IL1R1: variants seen among roughly 807,000 people sequenced by gnomAD.
The protein encoded by IL1R1 is interleukin 1 receptor type 1, also known as interleukin-1 receptor type 1.
Under a neutral mutation model 50.2 loss-of-function variants are expected in IL1R1, and 22 were observed. That is an observed-to-expected ratio of 0.44 (90% CI 0.31 to 0.63). IL1R1 has a LOEUF of 0.63. Ranked by LOEUF, IL1R1 falls within the 20% of genes least tolerant of loss-of-function variation. The pLI, the probability that IL1R1 is intolerant of heterozygous loss-of-function variation, is 0.07. For synonymous variants in IL1R1, 251 were observed against 236.7 expected (o/e 1.06, Z -0.55); for missense variants, 509 against 676.2 (o/e 0.75, Z 2.74).
At chr2:102,108,945 GAATAATAATAAT>G (rs147984449) in intron 1 of IL1R1, among the ~76,000 whole-genome samples, 3,044 of 145,392 alleles carry the variant, frequency 0.021, 48 homozygotes, top group East Asian at 0.051. Flanking sequence ...ACTTGGTACT[GAATAATAATAAT>G]AATAATAATA....
chr2:102,122,015 G>C (rs941245913), intron 1 of IL1R1, among the ~76,000 whole-genome samples: 3 of 152,116 alleles, frequency 2.0e-5, no homozygotes, highest in Non-Finnish European at 4.4e-5. Context: ...GAAGATATAC[G>C]TTTGTTTCAT....
At chr2:102,134,382 C>CTTT (rs11372238) in intron 1 of IL1R1, among the ~76,000 whole-genome samples, 1 of 145,730 alleles carries the variant, frequency 6.9e-6, no homozygotes, top group Non-Finnish European at 1.5e-5. Context: ...TCTTTTCTTT[C>CTTT]TTTTTTTTTT....
At chr2:102,132,540 A>G (rs1485487160) in intron 1 of IL1R1, among the ~76,000 whole-genome samples, 1 of 152,194 alleles carries the variant, frequency 6.6e-6, no homozygotes, top group Non-Finnish European at 1.5e-5. Flanking sequence ...AGAAAAAGGA[A>G]TAAATTACAC....
At chr2:102,151,536 G>C (rs962372705) in intron 1 of IL1R1, among the ~76,000 whole-genome samples, 3 of 152,310 alleles carry the variant, frequency 2.0e-5, no homozygotes, top group Admixed American at 6.5e-5. Context: ...CTCCTCATGG[G>C]TGTGGGAGAG....
At chr2:102,082,095 T>G (rs963945124) in intron 1 of IL1R1, among the ~76,000 whole-genome samples, 5 of 152,206 alleles carry the variant, frequency 3.3e-5, no homozygotes, top group Non-Finnish European at 7.3e-5. Flanking sequence ...ACTTCCAGGT[T>G]TTCTTCATTT....
At chr2:102,120,180 T>G (rs1251332224) in intron 1 of IL1R1, among the ~76,000 whole-genome samples, 1 of 152,166 alleles carries the variant, frequency 6.6e-6, no homozygotes, top group Non-Finnish European at 1.5e-5. Flanking sequence ...ATGAAACCTT[T>G]GATGTGCATG....
intron 1 of IL1R1, among the ~76,000 whole-genome samples, chr2:102,137,058 C>T (rs919995085): frequency 1.9e-4 from 29 of 152,298 alleles, no homozygotes; most frequent in Admixed American, 7.2e-4. Flanking sequence ...TTGACCATCT[C>T]ATAGCTCTCA....
At chr2:102,126,187 T>C (rs767530441) in intron 1 of IL1R1, among the ~76,000 whole-genome samples, 2 of 152,210 alleles carry the variant, frequency 1.3e-5, no homozygotes, top group Non-Finnish European at 2.9e-5. Flanking sequence ...AAAGAAGATA[T>C]AAAAGGTAGT....
intron 1 of IL1R1, among the ~76,000 whole-genome samples, chr2:102,115,407 C>T (rs1681013700): frequency 6.6e-6 from 1 of 152,166 alleles, no homozygotes; most frequent in African/African-American, 2.4e-5. Context: ...TTTTAAGGCA[C>T]TGTGGATATA....
rs149191871 is a variant in IL1R1 at position 102,105,450 on chromosome 2, C to T, written c.-84+578C>T. Among the ~76,000 whole-genome samples, 455 of 152,250 alleles carry T rather than the reference C, an allele frequency of 3.0e-3. 2 individuals carry two copies. The highest frequency in any genetic ancestry group is 0.01 in the African/African-American group (436 of 41,554). On this transcript the variant is annotated intron_variant, in intron 1 of 10. Transcript: ENST00000409329. ...CATGATCTTGGCTCACTGCAACCTC[C>T]GCCTCCCAGGTTCAAGCGATTCTCC... is the stretch of plus-strand genomic sequence containing the variant.
chr2:102,171,635 G>A (rs574188138), intron 7 of IL1R1, among the ~76,000 whole-genome samples, 166 bp from the exon 8 acceptor site: 1 of 152,120 alleles, frequency 6.6e-6, no homozygotes, highest in East Asian at 1.9e-4. Context: ...GGAATGAGAC[G>A]CATAAGGTTA....
At chr2:102,122,618 A>T (rs182399410) in intron 1 of IL1R1, among the ~76,000 whole-genome samples, 161 of 152,316 alleles carry the variant, frequency 1.1e-3, no homozygotes, top group Middle Eastern at 6.8e-3. Flanking sequence ...GTTAATATTC[A>T]GAAGGGCCTC....
intron 1 of IL1R1, among the ~76,000 whole-genome samples, chr2:102,085,146 G>C (rs1166541350): frequency 6.6e-6 from 1 of 152,156 alleles, no homozygotes; most frequent in Non-Finnish European, 1.5e-5. Flanking sequence ...TTTGTCAGCA[G>C]TATCTATTCC....
intron 1 of IL1R1, among the ~76,000 whole-genome samples, chr2:102,134,236 C>G (rs116209363): frequency 7.2e-6 from 1 of 138,040 alleles, no homozygotes; most frequent in Non-Finnish European, 1.5e-5. Flanking sequence ...CCTGAGCCCA[C>G]GATGTGCCTG....
chr2:102,174,674 A>G lies in IL1R1; in HGVS notation c.1079A>G (p.Lys360Arg), dbSNP rs758852011. 15 of 1,612,538 alleles carry G rather than the reference A, an allele frequency of 9.3e-6. No homozygotes were observed. The South Asian group carries it at 1.1e-4, about 12-fold the overall frequency. The change falls in exon 10 of 12, where the codon AAG (lysine) becomes AGG (arginine). Residue 360 changes from lysine to arginine, a missense_variant. Physicochemically the swap from Lys to Arg is conservative, Grantham distance 26 (BLOSUM62 2). Transcript: ENST00000410023. ...TCTGTTTTCATCTATAAAATCTTCA[A>G]GATTGACATTGTGCTTTGGTACAGG... ...VCSVFIYKIF[K>R]IDIVLWYRDS...
upstream of IL1R1, chr2:102,142,739 G>C (rs190185055): frequency 6.6e-6 from 1 of 150,592 alleles, no homozygotes; most frequent in Non-Finnish European, 1.5e-5. Context: ...CCAGAGCCGC[G>C]CCCGGCAGTT....
At chr2:102,088,456 TG>T (rs1281570846) in intron 1 of IL1R1, among the ~76,000 whole-genome samples, 1 of 152,108 alleles carries the variant, frequency 6.6e-6, no homozygotes. Flanking sequence ...CTCTCAACAG[TG>T]GGCTTAAAAT....
intron 7 of IL1R1, among the ~76,000 whole-genome samples, chr2:102,171,488 G>A (rs1377910113): frequency 6.6e-6 from 1 of 152,124 alleles, no homozygotes; most frequent in African/African-American, 2.4e-5. Context: ...TATGTATTAT[G>A]GAATGCTAAG....
In IL1R1 at chr2:102,134,567, G is replaced by C. The variant is rs185906722; in HGVS notation, c.-83-19374G>C. The stretch of plus-strand genomic sequence containing the variant: ...CTAATTTTGTATTTTTAGTAGAGAC[G>C]GGTTTTCTCCATGTTGGTCAGGCTG... On this transcript the variant is annotated intron_variant, in intron 1 of 10. Transcript: ENST00000409329. Among the ~76,000 whole-genome samples, 465 of 151,848 alleles carry C rather than the reference G, an allele frequency of 3.1e-3. 2 individuals are homozygous for C. The highest frequency in any genetic ancestry group is 0.011 in the African/African-American group (450 of 41,406).
Sources: allele counts gnomAD v4.1 joint callset (sites outside exome capture counted in the v4.1 genomes callset), GRCh38; gene constraint gnomAD v4.1.1; transcripts MANE v1.5; gene names NCBI Gene and HGNC (gene_info 2026-07-23, HGNC 2026-07-21).